RRP8: variants seen among roughly 807,000 people sequenced by gnomAD.
RRP8 encodes ribosomal RNA processing 8, also known as ribosomal RNA-processing protein 8.
In RRP8, 48 loss-of-function variants were observed where a neutral mutation model predicts 45.0. The ratio of observed to expected loss-of-function variants is 1.07; its 90% CI spans 0.85 to 1.36. RRP8 has a LOEUF of 1.36. RRP8 is among the 40% of genes most tolerant of loss of function. The pLI, the probability that RRP8 is intolerant of heterozygous loss-of-function variation, is 0.00. For synonymous variants in RRP8, 274 were observed against 212.4 expected, an observed-to-expected ratio of 1.29 and a Z score of -2.52; for missense variants, 658 against 573.7, an observed-to-expected ratio of 1.15 and a Z score of -1.50.
chr11:6,601,633 G>T lies in RRP8; in HGVS notation c.464-31C>A, dbSNP rs374915476. ...GGGAGGGAGATGGGAAGGTGCACAT[G>T]AGGCAAGATCTCTTACATTCGGAGT... On this transcript the variant is annotated intron_variant, in intron 2 of 6. Transcript: ENST00000254605. The T allele has an allele frequency of 1.9e-6, 3 of 1,569,430 alleles. No homozygotes were observed. The African/African-American group carries it at 4.0e-5, about 21-fold the overall frequency.
In RRP8 at chr11:6,601,492, G is replaced by A; in HGVS notation, c.574C>T (p.Gln192Ter). The change falls in exon 3 of 7, where the codon CAA (glutamine) becomes TAA (stop). Residue 192 changes from glutamine to a stop codon, truncating the protein, a stop_gained. Transcript: ENST00000254605. LOFTEE classifies it high-confidence loss of function. ...TLSRKQWRNR[Q>*]KNKRRCKNKF... ...TTCTTACATCTTCTCTTGTTCTTTT[G>A]CCGGTTCCGCCACTGCTTGCGGCTT... 5.0e-6 allele frequency: 8 copies of A among 1,613,236 alleles called. No homozygotes were observed. Among genetic ancestry groups the A allele is most frequent in the South Asian group, 1.1e-5 (1 of 91,074 alleles).
At chr11:6,602,976 A>T (rs1405038496) in intron 1 of RRP8, among the ~76,000 whole-genome samples, 1 of 152,188 alleles carries the variant, frequency 6.6e-6, no homozygotes, top group Non-Finnish European at 1.5e-5. Flanking sequence ...GTAACCGACG[A>T]CCCTTTCAAA....
rs1394521544 is a variant in RRP8, at chr11:6,596,208, A to G, written c.*3938T>C. The G allele has an allele frequency of 6.6e-6, 1 of 152,288 alleles. No individual in the cohort carries two copies. Among genetic ancestry groups the G allele is most frequent in the Non-Finnish European group, 1.5e-5 (1 of 68,070 alleles). The allele number at this position is 152,288 out of a possible 1,614,324, so 9.4% of individuals were successfully genotyped here. A position where few individuals can be genotyped will look rare whatever the true frequency, so the allele number is the denominator to read the frequency against. ...CAGTTTCTTCCACAGAAGCAAAGGT[A>G]ATAGTGGTATGAATTCAGGAAGATG... is the stretch of plus-strand genomic sequence containing the variant. On this transcript the variant is annotated 3_prime_UTR_variant, in exon 7 of 7. Transcript: ENST00000254605.
rs1854234832 is a variant in RRP8 at position 6,596,765 on chromosome 11, A to G, written c.*3381T>C. 6.6e-6 allele frequency: 1 copy of G among 152,236 alleles called. No homozygotes were observed. The highest frequency in any genetic ancestry group is 2.1e-4 in the South Asian group (1 of 4,828). The allele number at this position is 152,236 out of a possible 1,614,324, so 9.4% of individuals were successfully genotyped here. A position where few individuals can be genotyped will look rare whatever the true frequency, so the allele number is the denominator to read the frequency against. ...GCTGAGCGGTGTCTCTGCCAAGATC[A>G]TGTTGTTTCTTTTAGAACTGTGTTC... On this transcript the variant is annotated 3_prime_UTR_variant, in exon 7 of 7. Coordinates refer to ENST00000254605, the MANE Select transcript of RRP8 (RefSeq NM_015324.4).
In RRP8 at chr11:6,597,141, C is replaced by T. The variant is rs552809600; in HGVS notation, c.*3005G>A. 6.6e-6 allele frequency: 1 copy of T among 152,310 alleles called. No homozygotes were observed. The highest frequency in any genetic ancestry group is 1.9e-4 in the East Asian group (1 of 5,184). The allele number at this position is 152,310 out of a possible 1,614,324, so 9.4% of individuals were successfully genotyped here. A position where few individuals can be genotyped will look rare whatever the true frequency, so the allele number is the denominator to read the frequency against. On this transcript the variant is annotated 3_prime_UTR_variant, in exon 7 of 7. Coordinates refer to ENST00000254605, the MANE Select transcript of RRP8 (RefSeq NM_015324.4). Reference sequence around the variant, plus strand: ...ATCCCTTTTTCCTCTCCCAGCTCTGCCCCAGCTAAGTCTAGGAGCCTGCAC... The same window carrying T: ...ATCCCTTTTTCCTCTCCCAGCTCTGTCCCAGCTAAGTCTAGGAGCCTGCAC...
intron 1 of RRP8, among the ~76,000 whole-genome samples, chr11:6,602,951 T>C (rs4758438): frequency 0.16 from 23,866 of 152,222 alleles, 2,009 homozygotes; most frequent in East Asian, 0.3. Flanking sequence ...CTGTCTCCAA[T>C]CCATCCTCCA....
rs771374919 is a variant in RRP8 at position 6,596,083 on chromosome 11, T to A, written c.*4063A>T. 1 of 152,192 alleles carries A rather than the reference T, an allele frequency of 6.6e-6. No homozygotes were observed. The highest frequency in any genetic ancestry group is 2.4e-5 in the African/African-American group (1 of 41,458). 9.4% of individuals were successfully genotyped at this position (152,192 alleles called of 1,614,324 possible). On this transcript the variant is annotated 3_prime_UTR_variant, in exon 7 of 7. Coordinates refer to ENST00000254605, the MANE Select transcript of RRP8 (RefSeq NM_015324.4). ...GTATTGAAACATCACTTCCACTCATTTTCCACTGTTGAGAACTACTCACAT... is the reference window on the plus strand; with the variant it reads ...GTATTGAAACATCACTTCCACTCATATTCCACTGTTGAGAACTACTCACAT...
intron 6 of RRP8, 22 bp from the exon 7 acceptor site, chr11:6,600,287 T>C (rs1393596602): frequency 6.6e-7 from 1 of 1,508,458 alleles, no homozygotes; most frequent in Non-Finnish European, 9.0e-7. Flanking sequence ...AAAGACCCAG[T>C]GAGAACCAAA....
chr11:6,602,022 T>C lies in RRP8; in HGVS notation c.293A>G (p.Lys98Arg). 6.2e-7 allele frequency: 1 copy of C among 1,614,214 alleles called. No homozygotes were observed. The highest frequency in any genetic ancestry group is 8.5e-7 in the Non-Finnish European group (1 of 1,180,040). Reference sequence around the variant, plus strand: ...AGAGTCACTGCAAGGTGGGCCCTGTTTTTGACATTTCTTCTTCCCTTTCTT... The same window carrying C: ...AGAGTCACTGCAAGGTGGGCCCTGTCTTTGACATTTCTTCTTCCCTTTCTT... The part of the protein sequence containing the change: ...VGKKGKKKCQ[K>R]QGPPCSDSEE... The change falls in exon 2 of 7, where the codon AAA becomes AGA. Residue 98 changes from lysine (K) to arginine (R), a missense_variant. Transcript: ENST00000254605.
At chr11:6,600,799 T>C (rs1212623171) in intron 4 of RRP8, 24 bp from the exon 5 acceptor site, 2 of 1,610,534 alleles carry the variant, frequency 1.2e-6, no homozygotes, top group Non-Finnish European at 8.5e-7. Flanking sequence ...GAGTGTTGTA[T>C]AAGGCACACA....
intron 6 of RRP8, 35 bp downstream of exon 6, chr11:6,600,451 G>T: frequency 6.3e-7 from 1 of 1,592,886 alleles, no homozygotes; most frequent in Non-Finnish European, 8.6e-7. Flanking sequence ...GGCCACATGA[G>T]ACAAAAACAG....
intron 2 of RRP8, 95 bp downstream of exon 2, chr11:6,601,757 C>A: frequency 1.3e-6 from 2 of 1,483,110 alleles, no homozygotes; most frequent in Non-Finnish European, 1.8e-6. Context: ...TAGCCCCAAT[C>A]CTAATGGCAG....
chr11:6,603,404 C>G lies in RRP8; in HGVS notation c.99G>C (p.Lys33Asn). 1 of 1,599,506 alleles carries G rather than the reference C, an allele frequency of 6.3e-7. No homozygotes were observed. Among genetic ancestry groups the G allele is most frequent in the Non-Finnish European group, 8.5e-7 (1 of 1,173,774 alleles). Reference sequence around the variant, plus strand: ...CCCATTGCTCCCGCGAGTCACTCACCTTGTTTTGCGAGGAGGCCGCAGGCG... The same window carrying G: ...CCCATTGCTCCCGCGAGTCACTCACGTTGTTTTGCGAGGAGGCCGCAGGCG... The part of the protein sequence containing the change: ...RPPPAASSQN[K>N]GSKRRQLLAT... Residue 33 changes from lysine to asparagine, a missense_variant and splice_region_variant, in exon 1 of 7, where the codon AAG becomes AAC. Lys to Asn is a moderately conservative substitution (Grantham distance 94). Transcript: ENST00000254605.
Position 6,602,204 on chromosome 11 carries a change from G to A in RRP8, c.111C>T (p.Arg37=), listed in dbSNP as rs878988408. 6 of 1,555,230 alleles carry A rather than the reference G, an allele frequency of 3.9e-6. No individual in the cohort carries two copies. The highest frequency in any genetic ancestry group is 2.0e-5 in the Admixed American group (1 of 50,914). ...CCCGTAATGTGGCCAAGAGCTGGCG[G>A]CGCTTGGAGCCCTGGAGGAAAACAG... is the stretch of plus-strand genomic sequence containing the variant. ...AASSQNKGSK[R]RQLLATLRAL... Residue 37 remains arginine (R), a synonymous_variant, in exon 2 of 7, where the codon CGC becomes CGT. Transcript: ENST00000254605.
At position 6,596,339 on chromosome 11, in the gene RRP8, T is replaced by C. The variant is rs1854228167; in HGVS notation, c.*3807A>G. On this transcript the variant is annotated 3_prime_UTR_variant, in exon 7 of 7. Coordinates refer to ENST00000254605, the MANE Select transcript of RRP8 (RefSeq NM_015324.4). ...TTGAGGAATAAAAAGCAAGTCTGTGTGGCTGGAGTTTTGTGAAAGGGGAGG... is the reference window on the plus strand; with the variant it reads ...TTGAGGAATAAAAAGCAAGTCTGTGCGGCTGGAGTTTTGTGAAAGGGGAGG... 6.6e-6 allele frequency: 1 copy of C among 152,336 alleles called. No individual in the cohort carries two copies. Among genetic ancestry groups the C allele is most frequent in the South Asian group, 2.1e-4 (1 of 4,816 alleles). The allele number at this position is 152,336 out of a possible 1,614,324, so 9.4% of individuals were successfully genotyped here. A position where few individuals can be genotyped will look rare whatever the true frequency, so the allele number is the denominator to read the frequency against.
At chr11:6,600,419 T>C (rs1022395307) in intron 6 of RRP8, 67 bp downstream of exon 6, 2 of 1,485,202 alleles carry the variant, frequency 1.3e-6, no homozygotes, top group African/African-American at 1.4e-5. Flanking sequence ...GCCTCCTTCC[T>C]GAACACCAGT....
In RRP8 at chr11:6,602,071, C is replaced by T; in HGVS notation, c.244G>A (p.Ala82Thr). The T allele has an allele frequency of 6.2e-7, 1 of 1,613,762 alleles. No homozygotes were observed. The highest frequency in any genetic ancestry group is 8.5e-7 in the Non-Finnish European group (1 of 1,179,734). ...KKKCPKKASFASASAEVGKKG... is the reference protein window; with the variant it reads ...KKKCPKKASFTSASAEVGKKG... The stretch of plus-strand genomic sequence containing the variant: ...TTCCCTACTTCAGCAGAGGCACTGG[C>T]AAATGATGCCTTTTTGGGGCATTTC... Residue 82 changes from alanine (A) to threonine (T), a missense_variant, in exon 2 of 7, where the codon GCC becomes ACC. Physicochemically the swap from Ala to Thr is moderately conservative, Grantham distance 58. Transcript: ENST00000254605.
intron 1 of RRP8, 165 bp from the exon 2 acceptor site, chr11:6,602,380 C>CCCAGAAGT: frequency 1.4e-6 from 1 of 714,610 alleles, no homozygotes; most frequent in Non-Finnish European, 2.1e-6. Context: ...ACCCCAACTT[C>CCCAGAAGT]TGGGAAGCTG....
Position 6,600,491 on chromosome 11 carries a change from A to G in RRP8, c.1246T>C (p.Ser416Pro), listed in dbSNP as rs1257153655. 15 of 1,613,226 alleles carry G rather than the reference A, an allele frequency of 9.3e-6. No homozygotes were observed. Among genetic ancestry groups the G allele is most frequent in the Non-Finnish European group, 1.1e-5 (13 of 1,179,946 alleles). The change falls in exon 6 of 7, where the codon TCC becomes CCC. Residue 416 changes from serine to proline, a missense_variant. Ser to Pro is a moderately conservative substitution (Grantham distance 74). Coordinates refer to ENST00000254605, the MANE Select transcript of RRP8 (RefSeq NM_015324.4). Reference sequence around the variant, plus strand: ...AGATGTCTTGGGGCCCTCACCTTGGAGACAATCTTGAAGCCTAGCTTGGTC... The same window carrying G: ...AGATGTCTTGGGGCCCTCACCTTGGGGACAATCTTGAAGCCTAGCTTGGTC... ...AVTKLGFKIV[S>P]KDLTNSHFFL...
Sources: allele counts gnomAD v4.1 joint callset (sites outside exome capture counted in the v4.1 genomes callset), GRCh38; gene constraint gnomAD v4.1.1; transcripts MANE v1.5; gene names NCBI Gene and HGNC (gene_info 2026-07-23, HGNC 2026-07-21).